RPS29: variants seen among roughly 807,000 people sequenced by gnomAD.
RPS29 encodes the protein ribosomal protein S29.
For synonymous variants in RPS29, 37 were observed against 26.9 expected (o/e 1.37, Z -1.16); for missense variants, 60 against 75.7 (o/e 0.79, Z 0.77).
chr14:49,586,481 G>C, upstream of RPS29: 2 of 769,698 alleles, frequency 2.6e-6, no homozygotes, highest in South Asian at 2.9e-5. Context: ...TTGTTTCGCT[G>C]GGTGAGTAAA....
intron 1 of RPS29, 67 bp from the exon 2 acceptor site, chr14:49,586,116 C>G: frequency 6.8e-7 from 1 of 1,467,228 alleles, no homozygotes; most frequent in Non-Finnish European, 9.5e-7. Flanking sequence ...CAGACGGCTA[C>G]TACCCGCATC....
rs35726560 is a variant in RPS29 at position 49,596,778 on chromosome 14, C to CTT, written c.-133+1620_-133+1621dup. On this transcript the variant is annotated intron_variant, in intron 1 of 3. Transcript: ENST00000556230. ...ACCAAATAAAGGACTGAGATTGAGG[C>CTT]TTTTTTTTTTTTTTTTTGAGACAAG... is the stretch of plus-strand genomic sequence containing the variant. Among the ~76,000 whole-genome samples the CTT allele has an allele frequency of 1.2e-3, 158 of 133,918 alleles. 4 individuals carry two copies. The East Asian group carries it at 0.016, about 13-fold the overall frequency. The allele number at this position is 133,918 out of a possible 152,430, so 87.9% of individuals were successfully genotyped here.
chr14:49,571,035 C>G (rs1004221981), exon 3 of RPS29: 1 of 152,142 alleles, frequency 6.6e-6, no homozygotes, highest in Non-Finnish European at 1.5e-5. Flanking sequence ...CATGCACCAA[C>G]TGAGTAGGAA....
At chr14:49,577,534 A>G in exon 3 of RPS29, 1 of 584,880 alleles carries the variant, frequency 1.7e-6, no homozygotes, top group Non-Finnish European at 3.1e-6. Flanking sequence ...GTTGCTCACC[A>G]GCAGTACTTC....
At chr14:49,584,001 TGAGA>T (rs369126250) in intron 2 of RPS29, among the ~76,000 whole-genome samples, 10 of 152,184 alleles carry the variant, frequency 6.6e-5, no homozygotes, top group East Asian at 1.9e-4. Flanking sequence ...ATTTTTTTTT[TGAGA>T]GAGAGTCTCG....
chr14:49,580,600 G>A (rs567971370), downstream of RPS29, among the ~76,000 whole-genome samples: 8 of 152,336 alleles, frequency 5.3e-5, no homozygotes, highest in South Asian at 1.2e-3. Flanking sequence ...GGCCAGGAGC[G>A]ATGGCTCATG....
intron 1 of RPS29, among the ~76,000 whole-genome samples, chr14:49,593,553 A>C (rs1470415757): frequency 1.3e-5 from 2 of 151,892 alleles, no homozygotes; most frequent in African/African-American, 4.8e-5. Flanking sequence ...AAAATGCAAA[A>C]GTTAGCCAGG....
chr14:49,597,389 G>A (rs1036771383), intron 1 of RPS29: 3 of 151,922 alleles, frequency 2.0e-5, no homozygotes, highest in African/African-American at 7.3e-5. Context: ...AATTATAACA[G>A]TTTTTACAGT....
downstream of RPS29, among the ~76,000 whole-genome samples, chr14:49,583,185 G>A (rs1881393890): frequency 6.6e-6 from 1 of 152,154 alleles, no homozygotes; most frequent in African/African-American, 2.4e-5. Flanking sequence ...TGGCTGGTAT[G>A]ATTTTATGTT....
chr14:49,597,466 G>A (rs549434979), intron 1 of RPS29: 1 of 152,194 alleles, frequency 6.6e-6, no homozygotes, highest in South Asian at 2.1e-4. Context: ...AATTCAGGCT[G>A]GTGTTTTATT....
downstream of RPS29, among the ~76,000 whole-genome samples, chr14:49,580,814 G>A (rs1175973630): frequency 6.6e-6 from 1 of 152,022 alleles, no homozygotes; most frequent in East Asian, 1.9e-4. Flanking sequence ...GAACCCGGGA[G>A]GCAGAGGTTG....
downstream of RPS29, among the ~76,000 whole-genome samples, chr14:49,580,873 A>G (rs1201711355): frequency 6.7e-6 from 1 of 148,438 alleles, no homozygotes; most frequent in African/African-American, 2.5e-5. Context: ...TGACATAGCA[A>G]GACTCCGTCT....
chr14:49,587,280 T>A (rs1594575443), upstream of RPS29, among the ~76,000 whole-genome samples: 1 of 152,072 alleles, frequency 6.6e-6, no homozygotes, highest in African/African-American at 2.4e-5. Flanking sequence ...ACCAGATAAT[T>A]TGGTGACAAA....
upstream of RPS29, chr14:49,586,966 T>C (rs1489699808): frequency 1.3e-5 from 2 of 152,802 alleles, no homozygotes; most frequent in Non-Finnish European, 2.9e-5. Flanking sequence ...TACTTTCTTT[T>C]AATTAAAACG....
chr14:49,573,729 A>C (rs1294118846), exon 3 of RPS29: 1 of 152,234 alleles, frequency 6.6e-6, no homozygotes, highest in African/African-American at 2.4e-5. Flanking sequence ...CCAAATATGC[A>C]TTAGTTTTTA....
chr14:49,577,899 G>A (rs369902952), intron 2 of RPS29: 1 of 1,409,582 alleles, frequency 7.1e-7, no homozygotes, highest in South Asian at 1.2e-5. Context: ...AAGCAATGAT[G>A]CCCAACCAAA....
upstream of RPS29, among the ~76,000 whole-genome samples, chr14:49,591,121 T>C (rs1000369629): frequency 6.6e-6 from 1 of 152,154 alleles, no homozygotes; most frequent in African/African-American, 2.4e-5. Flanking sequence ...TATTTTAAAG[T>C]AAAACATACA....
downstream of RPS29, among the ~76,000 whole-genome samples, chr14:49,582,266 A>C (rs554704891): frequency 8.3e-4 from 126 of 152,250 alleles, no homozygotes; most frequent in African/African-American, 2.5e-3. Flanking sequence ...CCACCTCTAC[A>C]AAAGTAAGTT....
downstream of RPS29, among the ~76,000 whole-genome samples, chr14:49,582,489 T>C (rs1030024258): frequency 6.6e-6 from 1 of 152,230 alleles, no homozygotes; most frequent in African/African-American, 2.4e-5. Flanking sequence ...ATCTAGCACA[T>C]ATACCTCTTT....
Sources: gnomAD v4.1 joint callset for allele counts (sites outside exome capture counted in the v4.1 genomes callset) on GRCh38, gnomAD v4.1.1 for gene constraint, MANE v1.5 for transcripts, NCBI Gene and HGNC (gene_info 2026-07-23, HGNC 2026-07-21) for gene names.